WDR47: variants seen among roughly 807,000 people sequenced by gnomAD.
WDR47 encodes WD repeat-containing protein 47.
Under a neutral mutation model 97.2 loss-of-function variants are expected in WDR47, and 32 were observed. That is an observed-to-expected ratio of 0.33 (90% CI 0.25 to 0.44). The LOEUF is 0.44. Ranked by LOEUF, WDR47 falls within the 20% of genes least tolerant of loss-of-function variation. The pLI is 1.00. For missense variants in WDR47, 782 were observed against 1,102.3 expected (o/e 0.71, Z 4.11); for synonymous variants, 375 against 373.5 (o/e 1.00, Z -0.05).
chr1:109,014,516 C>G (rs949979909), intron 3 of WDR47, among the ~76,000 whole-genome samples: 64 of 152,008 alleles, frequency 4.2e-4, no homozygotes, highest in African/African-American at 1.5e-3. Context: ...CTCACTACAG[C>G]CTCAAACTTT....
intron 5 of WDR47, among the ~76,000 whole-genome samples, chr1:109,009,176 T>C (rs1571209956): frequency 6.6e-6 from 1 of 152,200 alleles, no homozygotes; most frequent in African/African-American, 2.4e-5. Flanking sequence ...AACTATCCTA[T>C]GTAATGTGAA....
At chr1:109,001,043 C>G (rs1021542679) in intron 7 of WDR47, among the ~76,000 whole-genome samples, 1 of 152,050 alleles carries the variant, frequency 6.6e-6, no homozygotes, top group Non-Finnish European at 1.5e-5. Flanking sequence ...ACCCGTAATC[C>G]CAGCACTTTG....
intron 5 of WDR47, among the ~76,000 whole-genome samples, chr1:109,008,670 C>T (rs1361769273): frequency 2.0e-5 from 3 of 151,992 alleles, no homozygotes; most frequent in Admixed American, 1.3e-4. Flanking sequence ...TGCAGTGGTG[C>T]GATCTAGGCT....
chr1:109,028,443 C>T (rs561705424), intron 1 of WDR47, among the ~76,000 whole-genome samples: 2 of 140,460 alleles, frequency 1.4e-5, no homozygotes, highest in South Asian at 4.5e-4. Flanking sequence ...AACTCCTGAG[C>T]TCAAGCAATC....
intron 6 of WDR47, among the ~76,000 whole-genome samples, chr1:109,003,494 T>C (rs17031897): frequency 6.6e-6 from 1 of 152,074 alleles, no homozygotes; most frequent in African/African-American, 2.4e-5. Context: ...CAAAGTGGCA[T>C]GCTGTATAAA....
intron 5 of WDR47, among the ~76,000 whole-genome samples, chr1:109,010,125 G>T (rs1039493330): frequency 6.6e-6 from 1 of 152,022 alleles, no homozygotes; most frequent in African/African-American, 2.4e-5. Flanking sequence ...TTTCTTCACA[G>T]CACATGTATT....
chr1:109,031,698 T>C (rs1662614739), intron 1 of WDR47, among the ~76,000 whole-genome samples: 1 of 139,204 alleles, frequency 7.2e-6, no homozygotes, highest in Non-Finnish European at 1.6e-5. Context: ...CTAATGCATA[T>C]AATGAAGTAA....
intron 1 of WDR47, among the ~76,000 whole-genome samples, chr1:109,035,501 T>A (rs980491036): frequency 2.9e-5 from 4 of 140,098 alleles, no homozygotes; most frequent in African/African-American, 1.0e-4. Flanking sequence ...ATTTTTAAAT[T>A]TTTTTTTTTT....
At chr1:109,039,686 G>C (rs938773508) in intron 1 of WDR47, among the ~76,000 whole-genome samples, 1 of 151,688 alleles carries the variant, frequency 6.6e-6, no homozygotes, top group African/African-American at 2.4e-5. Flanking sequence ...GTATCCTCAG[G>C]TGTGGGCCAG....
intron 7 of WDR47, among the ~76,000 whole-genome samples, chr1:108,998,493 C>A (rs1171574115): frequency 6.6e-6 from 1 of 151,768 alleles, no homozygotes; most frequent in Non-Finnish European, 1.5e-5. Context: ...CAGAGCAAGA[C>A]TCCGCCTCAA....
At chr1:108,979,348 C>T (rs1571138906) in intron 13 of WDR47, among the ~76,000 whole-genome samples, 1 of 152,090 alleles carries the variant, frequency 6.6e-6, no homozygotes, top group East Asian at 1.9e-4. Flanking sequence ...ACTGAGCTAA[C>T]CAAAATTGAT....
At chr1:109,026,922 G>A (rs1662253765) in intron 1 of WDR47, among the ~76,000 whole-genome samples, 1 of 151,922 alleles carries the variant, frequency 6.6e-6, no homozygotes, top group Non-Finnish European at 1.5e-5. Context: ...ACAGTTGAAG[G>A]TAACAGAAAA....
rs191040455 is a variant in WDR47, at chr1:109,033,371, C to A, written c.-10+8491G>T. On this transcript the variant is annotated intron_variant, in intron 1 of 14. Transcript: ENST00000369962. ...ATAAATAGCATCTTCAAATCAATAC[C>A]CTCAAAATTCCAGACGAAAAATGAG... 2.4e-3 allele frequency among the ~76,000 whole-genome samples: 365 copies of A among 152,070 alleles called. 2 individuals carry two copies. The highest frequency in any genetic ancestry group is 4.3e-3 in the Non-Finnish European group (290 of 67,988).
intron 8 of WDR47, chr1:108,992,720 G>C (rs559455675): frequency 6.3e-7 from 1 of 1,585,048 alleles, no homozygotes; most frequent in African/African-American, 1.3e-5. Context: ...CTGCCACATT[G>C]AGATGATCCT....
At chr1:108,986,967 T>G (rs1658877980) in intron 9 of WDR47, 1 of 251,824 alleles carries the variant, frequency 4.0e-6, no homozygotes, top group African/African-American at 2.3e-5. Flanking sequence ...CAGTGATGCT[T>G]CTTATCTTTA....
chr1:109,035,247 GAAAAAAAAAA>G (rs1174235842), intron 1 of WDR47, among the ~76,000 whole-genome samples: 1 of 64,890 alleles, frequency 1.5e-5, no homozygotes, highest in Non-Finnish European at 3.2e-5. Flanking sequence ...CCCTGTCTCA[GAAAAAAAAAA>G]AAAAAAAAAC....
At chr1:109,022,380 G>GC (rs914038628) in intron 2 of WDR47, among the ~76,000 whole-genome samples, 1 of 152,016 alleles carries the variant, frequency 6.6e-6, no homozygotes, top group African/African-American at 2.4e-5. Context: ...TTTCTATAAT[G>GC]AACACATCTT....
rs1189992032 is a variant in WDR47 at position 108,977,174 on chromosome 1, CAG to C, written c.2399-2422_2399-2421del. Among the ~76,000 whole-genome samples the C allele has an allele frequency of 4.5e-4, 69 of 151,872 alleles. 1 individual carries two copies. Among genetic ancestry groups the C allele is most frequent in the Admixed American group, 4.5e-3 (68 of 15,248 alleles). On this transcript the variant is annotated intron_variant, in intron 13 of 14. Transcript: ENST00000369962. Reference sequence around the variant, plus strand: ...CTGGGTTTTTTTCTTTTTTTTGAGACAGAGTCTCACTCTGTCGCCCAGGCTGG... The same window carrying C: ...CTGGGTTTTTTTCTTTTTTTTGAGACAGTCTCACTCTGTCGCCCAGGCTGG...
At chr1:108,979,049 G>C (rs1048017560) in intron 13 of WDR47, among the ~76,000 whole-genome samples, 4 of 152,166 alleles carry the variant, frequency 2.6e-5, no homozygotes, top group Non-Finnish European at 5.9e-5. Flanking sequence ...TAAAATGTTT[G>C]TATGTGCATG....
Sources: gnomAD v4.1 joint callset for allele counts (sites outside exome capture counted in the v4.1 genomes callset) on GRCh38, gnomAD v4.1.1 for gene constraint, MANE v1.5 for transcripts, NCBI Gene and HGNC (gene_info 2026-07-23, HGNC 2026-07-21) for gene names.